The following GRID1 variants were observed in gnomAD, a reference collection of about 807,000 sequenced individuals.
GRID1 encodes the protein glutamate ionotropic receptor delta type subunit 1.
A neutral mutation model predicts 98.0 loss-of-function variants in GRID1; 28 were observed. The ratio of observed to expected loss-of-function variants is 0.29; its 90% CI spans 0.21 to 0.39. The LOEUF (loss-of-function observed/expected upper bound fraction) is 0.39. Among genes scored for constraint, GRID1 ranks in the 10% least tolerant of loss-of-function variants. GRID1 has a pLI of 1.00. For synonymous variants in GRID1, 553 were observed against 538.5 expected, an observed-to-expected ratio of 1.03 and a Z score of -0.37; for missense variants, 1,111 against 1,340.5, an observed-to-expected ratio of 0.83 and a Z score of 2.67.
intron 4 of GRID1, among the ~76,000 whole-genome samples, chr10:86,086,685 TGCATGG>T (rs1411355361): frequency 1.3e-5 from 2 of 152,182 alleles, no homozygotes; most frequent in Admixed American, 1.3e-4. Context: ...TCCATGTGTG[TGCATGG>T]GCATGTGCAG....
intron 4 of GRID1, among the ~76,000 whole-genome samples, chr10:86,116,561 T>C (rs1844583714): frequency 6.6e-6 from 1 of 152,168 alleles, no homozygotes; most frequent in African/African-American, 2.4e-5. Flanking sequence ...CATCCATAAG[T>C]GGTAGACTTC....
intron 12 of GRID1, among the ~76,000 whole-genome samples, chr10:85,710,315 C>A (rs1400140295): frequency 3.9e-5 from 6 of 151,978 alleles, no homozygotes; most frequent in African/African-American, 1.2e-4. Flanking sequence ...TGAAATAAAC[C>A]CTCTTGGGTA....
intron 13 of GRID1, among the ~76,000 whole-genome samples, chr10:85,624,958 G>A (rs145469803): frequency 5.1e-4 from 77 of 152,182 alleles, no homozygotes; most frequent in African/African-American, 1.7e-3. Flanking sequence ...AGCATTTTAT[G>A]TAACAGATAG....
intron 8 of GRID1, among the ~76,000 whole-genome samples, chr10:85,769,781 T>C (rs949127556): frequency 1.3e-5 from 2 of 152,202 alleles, no homozygotes; most frequent in African/African-American, 4.8e-5. Flanking sequence ...GAGGGGCGCC[T>C]GCCATTGCCC....
rs113392695 is a variant in GRID1 at position 86,026,174 on chromosome 10, T to G, written c.727-109935A>C. 1.0e-2 allele frequency among the ~76,000 whole-genome samples: 1,518 copies of G among 152,340 alleles called. 28 individuals carry two copies. Among genetic ancestry groups the G allele is most frequent in the African/African-American group, 0.034 (1,415 of 41,576 alleles). On this transcript the variant is annotated intron_variant, in intron 4 of 15. Coordinates refer to ENST00000327946, the MANE Select transcript of GRID1 (RefSeq NM_017551.3). The stretch of plus-strand genomic sequence containing the variant: ...TGCATAATTTATATACGTTTCACAC[T>G]ATTTGTTTGGGATATAAGCGCCACA...
At chr10:85,634,375 G>A (rs1843012935) in intron 13 of GRID1, among the ~76,000 whole-genome samples, 2 of 151,654 alleles carry the variant, frequency 1.3e-5, no homozygotes, top group South Asian at 2.1e-4. Flanking sequence ...GTTGTAGAGT[G>A]AGGAGACCTA....
Position 85,869,227 on chromosome 10 carries a change from C to T in GRID1, c.781-47G>A, listed in dbSNP as rs1589281177. On this transcript the variant is annotated intron_variant, in intron 5 of 15. Coordinates refer to ENST00000327946, the MANE Select transcript of GRID1 (RefSeq NM_017551.3). Reference sequence around the variant, plus strand: ...TGCTTACCATCCACTCATGAACTATCTCTGCAAGAGACCTATCAGGAGGCA... The same window carrying T: ...TGCTTACCATCCACTCATGAACTATTTCTGCAAGAGACCTATCAGGAGGCA... 3.2e-6 allele frequency: 5 copies of T among 1,550,906 alleles called. No homozygotes were observed. In the East Asian group the frequency reaches 1.1e-4, roughly 35 times the overall value.
intron 4 of GRID1, among the ~76,000 whole-genome samples, chr10:85,932,329 A>G (rs532801304): frequency 6.6e-6 from 1 of 152,270 alleles, no homozygotes; most frequent in African/African-American, 2.4e-5. Context: ...CTCCCACCTC[A>G]GTCTCCTGAG....
intron 2 of GRID1, among the ~76,000 whole-genome samples, chr10:86,210,433 C>T (rs756868220): frequency 6.6e-6 from 1 of 152,228 alleles, no homozygotes; most frequent in Non-Finnish European, 1.5e-5. Flanking sequence ...AGCAGAGCTA[C>T]GAGAGCACTG....
chr10:85,667,641 C>T (rs774926478), intron 12 of GRID1, among the ~76,000 whole-genome samples: 1 of 152,190 alleles, frequency 6.6e-6, no homozygotes. Flanking sequence ...CCTAACCGTG[C>T]TCCTGCACTT....
chr10:85,821,539 A>AAAAAAAAAAGCAAACAAAC lies in GRID1; in HGVS notation c.1233+32956_1233+32957insGTTTGTTTGCTTTTTTTTT, dbSNP rs770693495. Among the ~76,000 whole-genome samples the AAAAAAAAAAGCAAACAAAC allele has an allele frequency of 8.5e-3, 833 of 97,550 alleles. 133 individuals are homozygous for AAAAAAAAAAGCAAACAAAC. The highest frequency in any genetic ancestry group is 0.013 in the Non-Finnish European group (587 of 45,624). 64.0% of individuals were successfully genotyped at this position (97,550 alleles called of 152,430 possible). A position where few individuals can be genotyped will look rare whatever the true frequency, so the allele number is the denominator to read the frequency against. ...CTCAAAAAAAAAAAAAAAAAAAAAA[A>AAAAAAAAAAGCAAACAAAC]AAAAAAGAAAACAGATCAATAGTTG... On this transcript the variant is annotated intron_variant, in intron 8 of 15. Transcript: ENST00000327946.
chr10:85,611,293 T>G (rs1194620949), intron 15 of GRID1, among the ~76,000 whole-genome samples: 1 of 152,156 alleles, frequency 6.6e-6, no homozygotes, highest in African/African-American at 2.4e-5. Context: ...CTAGGCATTG[T>G]GAAGGGACAA....
chr10:86,234,532 T>C (rs1384275107), intron 2 of GRID1, among the ~76,000 whole-genome samples: 1 of 152,224 alleles, frequency 6.6e-6, no homozygotes, highest in Non-Finnish European at 1.5e-5. Flanking sequence ...GCATTTTGCT[T>C]CAAATATCTA....
At chr10:85,786,014 T>A (rs1251876935) in intron 8 of GRID1, among the ~76,000 whole-genome samples, 1 of 151,738 alleles carries the variant, frequency 6.6e-6, no homozygotes, top group African/African-American at 2.4e-5. Context: ...ACTATACACA[T>A]ACACATACAC....
At chr10:85,736,088 AGG>A (rs1841879302) in intron 8 of GRID1, among the ~76,000 whole-genome samples, 1 of 131,978 alleles carries the variant, frequency 7.6e-6, no homozygotes, top group Non-Finnish European at 1.6e-5. Flanking sequence ...GAGAGAAGGA[AGG>A]AAGGAAGGAG....
At chr10:85,669,288 G>A (rs1030241443) in intron 12 of GRID1, among the ~76,000 whole-genome samples, 3 of 152,226 alleles carry the variant, frequency 2.0e-5, no homozygotes, top group Admixed American at 6.5e-5. Flanking sequence ...GCCCCCATGA[G>A]CCAGGCAATG....
intron 4 of GRID1, among the ~76,000 whole-genome samples, chr10:85,950,286 A>C (rs1176857451): frequency 4.6e-5 from 7 of 152,190 alleles, no homozygotes; most frequent in Admixed American, 4.6e-4. Context: ...AAATGCCGCT[A>C]TTCTGGAGCT....
At chr10:85,824,142 A>G (rs2131754655) in intron 8 of GRID1, among the ~76,000 whole-genome samples, 1 of 152,368 alleles carries the variant, frequency 6.6e-6, no homozygotes, top group East Asian at 1.9e-4. Context: ...TATTACAACA[A>G]TAAAGCAAAA....
intron 4 of GRID1, among the ~76,000 whole-genome samples, chr10:86,118,792 G>A (rs1310203847): frequency 6.6e-6 from 1 of 152,162 alleles, no homozygotes; most frequent in Non-Finnish European, 1.5e-5. Flanking sequence ...TACCTCCATG[G>A]TCTTCCTTCC....
Sources: gnomAD v4.1 joint callset for allele counts (sites outside exome capture counted in the v4.1 genomes callset) on GRCh38, gnomAD v4.1.1 for gene constraint, MANE v1.5 for transcripts, NCBI Gene and HGNC (gene_info 2026-07-23, HGNC 2026-07-21) for gene names.